GSK3B: variants seen among roughly 807,000 people sequenced by gnomAD.
The protein encoded by GSK3B is glycogen synthase kinase-3 beta.
GSK3B carries 15 observed loss-of-function variants against 56.4 expected under a neutral mutation model. The observed-to-expected ratio is 0.27, with a 90% CI of 0.18 to 0.41. GSK3B has a LOEUF of 0.41. Ranked by LOEUF, GSK3B falls within the 10% of genes least tolerant of loss-of-function variation. The pLI is 1.00. For missense variants in GSK3B, 300 were observed against 513.4 expected (o/e 0.58, Z 4.02); for synonymous variants, 181 against 188.9 (o/e 0.96, Z 0.34).
chr3:120,094,316 C>T lies in GSK3B; in HGVS notation c.-882G>A, dbSNP rs1372848280. On this transcript the variant is annotated 5_prime_UTR_variant, in exon 1 of 11. Transcript: ENST00000264235. ...GGAAGTGTCCGCGCTTTGCCCCAGCCCAGAGCCCTGTCAGCGGCTGCGGGG... is the reference window on the plus strand; with the variant it reads ...GGAAGTGTCCGCGCTTTGCCCCAGCTCAGAGCCCTGTCAGCGGCTGCGGGG... 3.7e-5 allele frequency: 10 copies of T among 270,546 alleles called. No homozygotes were observed. Among genetic ancestry groups the T allele is most frequent in the Non-Finnish European group, 6.4e-5 (9 of 141,656 alleles). 16.8% of individuals were successfully genotyped at this position (270,546 alleles called of 1,614,324 possible).
intron 2 of GSK3B, among the ~76,000 whole-genome samples, chr3:119,964,385 G>C (rs982609127): frequency 6.6e-6 from 1 of 152,080 alleles, no homozygotes; most frequent in East Asian, 1.9e-4. Context: ...GAATTGATAA[G>C]AAAAATGTGG....
intron 3 of GSK3B, among the ~76,000 whole-genome samples, chr3:119,939,704 A>G (rs571963742): frequency 6.6e-6 from 1 of 152,330 alleles, no homozygotes; most frequent in African/African-American, 2.4e-5. Flanking sequence ...TGAAATAGAA[A>G]GAACAGATTC....
intron 2 of GSK3B, among the ~76,000 whole-genome samples, chr3:119,982,652 G>A (rs150696282): frequency 1.1e-3 from 171 of 151,694 alleles, no homozygotes; most frequent in Admixed American, 2.6e-3. Context: ...AAGCGAGAAG[G>A]TTAGAGAAAA....
chr3:119,912,656 C>A (rs751328248), intron 6 of GSK3B, 48 bp downstream of exon 6: 2 of 822,228 alleles, frequency 2.4e-6, no homozygotes, highest in Non-Finnish European at 2.0e-6. Context: ...TTACCAAAAT[C>A]AAGAAGCAAT....
chr3:119,979,586 G>T (rs1383483055), intron 2 of GSK3B, among the ~76,000 whole-genome samples: 1 of 152,214 alleles, frequency 6.6e-6, no homozygotes, highest in Non-Finnish European at 1.5e-5. Context: ...CTTTCTCCAT[G>T]TCTGACTTGT....
chr3:119,957,092 C>A (rs932260597), intron 2 of GSK3B, among the ~76,000 whole-genome samples: 2 of 152,118 alleles, frequency 1.3e-5, no homozygotes, highest in African/African-American at 2.4e-5. Context: ...AGTTCCTTAC[C>A]GTCAATCTCA....
intron 1 of GSK3B, among the ~76,000 whole-genome samples, chr3:120,061,026 C>T (rs978228332): frequency 2.0e-5 from 3 of 152,178 alleles, no homozygotes; most frequent in Non-Finnish European, 4.4e-5. Context: ...TAACTTTCTA[C>T]TCTTTCCATT....
In GSK3B at chr3:119,826,560, C is replaced by T. The variant is rs753236238; in HGVS notation, c.*228G>A. ...TCCGCTTTCCCCCTCCCCACAACCC[C>T]TCCCACCCCCTGGATCTCCCTCAAA... On this transcript the variant is annotated 3_prime_UTR_variant, in exon 11 of 11. Coordinates refer to ENST00000264235, the MANE Select transcript of GSK3B (RefSeq NM_001146156.2). 1 of 601,898 alleles carries T rather than the reference C, an allele frequency of 1.7e-6. No individual in the cohort carries two copies. Among genetic ancestry groups the T allele is most frequent in the Admixed American group, 2.2e-5 (1 of 45,610 alleles). The allele number at this position is 601,898 out of a possible 1,614,324, so 37.3% of individuals were successfully genotyped here.
intron 1 of GSK3B, among the ~76,000 whole-genome samples, chr3:120,077,456 TAGAG>T (rs956140521): frequency 1.3e-5 from 2 of 152,122 alleles, no homozygotes; most frequent in Non-Finnish European, 1.5e-5. Context: ...TATACAGAGA[TAGAG>T]AGTAAACTGG....
At chr3:119,868,214 A>C (rs918976913) in intron 8 of GSK3B, among the ~76,000 whole-genome samples, 8 of 152,242 alleles carry the variant, frequency 5.3e-5, no homozygotes, top group Non-Finnish European at 1.0e-4. Context: ...AAGTGATTCA[A>C]ATACTACCTC....
chr3:120,036,148 C>T (rs910320610), intron 1 of GSK3B, among the ~76,000 whole-genome samples: 2 of 152,232 alleles, frequency 1.3e-5, no homozygotes, highest in African/African-American at 4.8e-5. Context: ...TCCTTCTATT[C>T]CTAGTTTATT....
At chr3:120,090,419 ATTAAAT>A in intron 1 of GSK3B, among the ~76,000 whole-genome samples, 1 of 152,300 alleles carries the variant, frequency 6.6e-6, no homozygotes, top group South Asian at 2.1e-4. Context: ...CTTATTGTAT[ATTAAAT>A]TTTAAGAAAG....
At chr3:119,925,957 T>G (rs2056885410) in intron 3 of GSK3B, among the ~76,000 whole-genome samples, 2 of 152,188 alleles carry the variant, frequency 1.3e-5, no homozygotes, top group African/African-American at 4.8e-5. Context: ...TCAATCACGT[T>G]CCTTTCATTG....
intron 3 of GSK3B, among the ~76,000 whole-genome samples, chr3:119,940,237 G>A (rs1283606153): frequency 6.6e-6 from 1 of 151,726 alleles, no homozygotes; most frequent in Non-Finnish European, 1.5e-5. Context: ...GCGATAAGGA[G>A]AAAAATTAAG....
chr3:119,986,821 T>C (rs2057520892), intron 2 of GSK3B, among the ~76,000 whole-genome samples: 1 of 152,184 alleles, frequency 6.6e-6, no homozygotes, highest in Admixed American at 6.5e-5. Flanking sequence ...GACCCAGCAA[T>C]CCCATTACTG....
chr3:119,823,929 A>AAC lies in GSK3B; in HGVS notation c.*2857_*2858dup, dbSNP rs1232664531. On this transcript the variant is annotated 3_prime_UTR_variant, in exon 11 of 11. Transcript: ENST00000264235. ...TAAAAAAGAACAAATTAAAAAAAAAAACACATGGAAGCGAAGGCACTCCAA... is the reference window on the plus strand; with the variant it reads ...TAAAAAAGAACAAATTAAAAAAAAAAACACACATGGAAGCGAAGGCACTCCAA... 2 of 197,314 alleles carry AAC rather than the reference A, an allele frequency of 1.0e-5. No individual in the cohort carries two copies. Among genetic ancestry groups the AAC allele is most frequent in the East Asian group, 1.6e-4 (2 of 12,734 alleles). 12.2% of individuals were successfully genotyped at this position (197,314 alleles called of 1,614,324 possible). A position where few individuals can be genotyped will look rare whatever the true frequency, so the allele number is the denominator to read the frequency against.
chr3:119,832,326 C>T (rs1040189010), intron 10 of GSK3B, among the ~76,000 whole-genome samples: 6 of 152,218 alleles, frequency 3.9e-5, no homozygotes, highest in South Asian at 2.1e-4. Context: ...AGTCATCAGA[C>T]GACTGCATCC....
At chr3:120,039,677 C>T (rs1299517007) in intron 1 of GSK3B, among the ~76,000 whole-genome samples, 1 of 152,176 alleles carries the variant, frequency 6.6e-6, no homozygotes, top group South Asian at 2.1e-4. Context: ...AGTAGCCAAT[C>T]GGGTCTGCTT....
intron 1 of GSK3B, among the ~76,000 whole-genome samples, chr3:120,045,184 C>T (rs1429997152): frequency 4.6e-5 from 7 of 152,126 alleles, no homozygotes; most frequent in Admixed American, 3.9e-4. Flanking sequence ...CAGCAAAGCC[C>T]AGACATGTTA....
Sources: gnomAD v4.1 joint callset for allele counts (sites outside exome capture counted in the v4.1 genomes callset) on GRCh38, gnomAD v4.1.1 for gene constraint, MANE v1.5 for transcripts, NCBI Gene and HGNC (gene_info 2026-07-23, HGNC 2026-07-21) for gene names.